RIN2: variants seen among roughly 807,000 people sequenced by gnomAD.
RIN2 encodes Ras and Rab interactor 2, also known as RAB5 interacting protein 2.
RIN2 carries 36 observed loss-of-function variants against 78.0 expected under a neutral mutation model. The ratio of observed to expected loss-of-function variants is 0.46; its 90% confidence interval spans 0.35 to 0.61. The LOEUF is 0.61. RIN2 is among the 20% of genes least tolerant of loss of function. The pLI is 0.00. For synonymous variants in RIN2, 466 were observed against 466.8 expected, an observed-to-expected ratio of 1.00 and a Z score of 0.02; for missense variants, 1,087 against 1,159.7, an observed-to-expected ratio of 0.94 and a Z score of 0.91.
intron 7 of RIN2, among the ~76,000 whole-genome samples, chr20:19,967,955 C>T (rs923981076): frequency 6.6e-6 from 1 of 152,094 alleles, no homozygotes; most frequent in African/African-American, 2.4e-5. Flanking sequence ...AAGCATGTGC[C>T]CACAATCATT....
intron 4 of RIN2, among the ~76,000 whole-genome samples, chr20:19,946,161 T>C (rs2041080628): frequency 6.6e-6 from 1 of 152,096 alleles, no homozygotes; most frequent in Non-Finnish European, 1.5e-5. Flanking sequence ...GGCCTGAATA[T>C]GGGCTGGGGA....
Position 19,960,778 on chromosome 20 carries a change from C to A in RIN2, c.430C>A (p.Leu144Ile), listed in dbSNP as rs772598735. The change falls in exon 6 of 13, where the codon CTC (leucine) becomes ATC (isoleucine). Residue 144 changes from leucine (L) to isoleucine (I), a missense_variant. Physicochemically the swap from Leu to Ile is conservative, Grantham distance 5. This residue lies in a region of RIN2 where 706 missense variants were observed against 667.5 expected (regional missense o/e 1.06). Transcript: ENST00000255006. ...CCTGCCCTGTGAATTTGGGGCCCCA[C>A]TCAAGGAATTTGCCATAAAGGAAAG... ...LRLPCEFGAP[L>I]KEFAIKESTY... 7 of 1,601,604 alleles carry A rather than the reference C, an allele frequency of 4.4e-6. No homozygotes were observed. The East Asian group carries it at 1.6e-4, about 36-fold the overall frequency.
chr20:19,946,005 A>G (rs1445589019), intron 4 of RIN2, among the ~76,000 whole-genome samples: 1 of 152,198 alleles, frequency 6.6e-6, no homozygotes, highest in Non-Finnish European at 1.5e-5. Context: ...GGCCTCAGAA[A>G]GAAACTGCCC....
chr20:19,837,383 A>G (rs1221264125), intron 2 of RIN2, among the ~76,000 whole-genome samples: 1 of 152,262 alleles, frequency 6.6e-6, no homozygotes, highest in African/African-American at 2.4e-5. Context: ...AGAAATCCAC[A>G]GGGAAGCATT....
At chr20:19,869,994 A>G (rs1392583212) in intron 2 of RIN2, among the ~76,000 whole-genome samples, 4 of 151,976 alleles carry the variant, frequency 2.6e-5, no homozygotes, top group Non-Finnish European at 5.9e-5. Context: ...TGGCAAGAAT[A>G]GTTCTGAGGA....
At chr20:19,877,222 G>A (rs1044193792) in intron 2 of RIN2, among the ~76,000 whole-genome samples, 1 of 152,106 alleles carries the variant, frequency 6.6e-6, no homozygotes, top group Non-Finnish European at 1.5e-5. Context: ...TGATTCTCAG[G>A]CATGTTATCT....
intron 1 of RIN2, among the ~76,000 whole-genome samples, chr20:19,778,608 T>C (rs565850558): frequency 2.0e-5 from 3 of 152,300 alleles, no homozygotes; most frequent in East Asian, 1.9e-4. Context: ...GCATAGACTT[T>C]CCATGACACA....
intron 3 of RIN2, among the ~76,000 whole-genome samples, chr20:19,909,381 T>A (rs1443447121): frequency 6.6e-6 from 1 of 152,186 alleles, no homozygotes; most frequent in African/African-American, 2.4e-5. Context: ...CCACCACTTA[T>A]ACATAACTAA....
intron 12 of RIN2, 59 bp downstream of exon 12, chr20:19,996,901 C>G (rs764194553): frequency 1.7e-5 from 25 of 1,467,752 alleles, no homozygotes; most frequent in Non-Finnish European, 2.3e-5. Context: ...AGCTGGCTCA[C>G]CCAGCACATC....
At chr20:19,833,477 A>G (rs2036312958) in intron 2 of RIN2, among the ~76,000 whole-genome samples, 1 of 151,948 alleles carries the variant, frequency 6.6e-6, no homozygotes, top group Non-Finnish European at 1.5e-5. Flanking sequence ...TAAAACCTAT[A>G]TTTTTTAAAA....
At chr20:19,820,589 C>T (rs942947747) in intron 2 of RIN2, among the ~76,000 whole-genome samples, 2 of 152,168 alleles carry the variant, frequency 1.3e-5, no homozygotes, top group Non-Finnish European at 2.9e-5. Context: ...CCCCCAAGAG[C>T]AAGCCAGGGG....
At chr20:19,831,270 T>G (rs2036244349) in intron 2 of RIN2, among the ~76,000 whole-genome samples, 2 of 152,232 alleles carry the variant, frequency 1.3e-5, no homozygotes, top group African/African-American at 4.8e-5. Context: ...AATTTTTACA[T>G]TAACATTTTT....
At chr20:19,901,078 C>G (rs2038961704) in intron 3 of RIN2, among the ~76,000 whole-genome samples, 1 of 151,936 alleles carries the variant, frequency 6.6e-6, no homozygotes, top group Non-Finnish European at 1.5e-5. Context: ...GTGGGAGAAC[C>G]ACTGCTCCAG....
At chr20:19,822,421 G>A (rs907181189) in intron 2 of RIN2, among the ~76,000 whole-genome samples, 4 of 152,168 alleles carry the variant, frequency 2.6e-5, no homozygotes, top group African/African-American at 9.7e-5. Context: ...CCCATTATCT[G>A]TATGAAGAGA....
At chr20:19,889,324 A>G (rs979964619) in intron 2 of RIN2, 14 of 1,220,780 alleles carry the variant, frequency 1.1e-5, no homozygotes, top group Non-Finnish European at 1.4e-5. Context: ...TGAAGTCCCA[A>G]GGACCTTCTA....
chr20:19,833,397 A>G (rs1703279071), intron 2 of RIN2, among the ~76,000 whole-genome samples: 1 of 151,866 alleles, frequency 6.6e-6, no homozygotes, highest in Non-Finnish European at 1.5e-5. Flanking sequence ...CTCATCCTTT[A>G]TGTTTCCTCC....
intron 3 of RIN2, among the ~76,000 whole-genome samples, chr20:19,930,673 T>G: frequency 6.6e-6 from 1 of 151,976 alleles, no homozygotes; most frequent in African/African-American, 2.4e-5. Flanking sequence ...GGTGTGTGGC[T>G]CTCCTGTTTG....
chr20:19,759,757 C>T (rs768919391), intron 1 of RIN2, among the ~76,000 whole-genome samples: 5 of 152,238 alleles, frequency 3.3e-5, no homozygotes, highest in Middle Eastern at 3.4e-3. Flanking sequence ...CCCAGCTACT[C>T]GGGAGGCTGA....
intron 9 of RIN2, among the ~76,000 whole-genome samples, chr20:19,978,889 G>A (rs2042364450): frequency 6.6e-6 from 1 of 152,202 alleles, no homozygotes. Flanking sequence ...AAAGTATTGG[G>A]ATCAACCTCT....
Sources: gnomAD v4.1 joint callset for allele counts (sites outside exome capture counted in the v4.1 genomes callset) on GRCh38, gnomAD v4.1.1 for gene constraint, gnomAD v4.1.1 regional missense constraint, MANE v1.5 for transcripts, NCBI Gene and HGNC (gene_info 2026-07-23, HGNC 2026-07-21) for gene names.